The following CAMK2D variants were observed in gnomAD, a reference collection of about 807,000 sequenced individuals.
CAMK2D encodes the protein calcium/calmodulin-dependent protein kinase type II subunit delta.
In CAMK2D, 37 loss-of-function variants were observed where a neutral mutation model predicts 84.0. That is an observed-to-expected ratio of 0.44 (90% CI 0.34 to 0.58). CAMK2D has a LOEUF of 0.58. CAMK2D is among the 20% of genes least tolerant of loss of function. The pLI, the probability that CAMK2D is intolerant of heterozygous loss-of-function variation, is 0.02. For missense variants in CAMK2D, 448 were observed against 652.5 expected, an observed-to-expected ratio of 0.69 and a Z score of 3.41; for synonymous variants, 202 against 212.5, an observed-to-expected ratio of 0.95 and a Z score of 0.43.
intron 3 of CAMK2D, among the ~76,000 whole-genome samples, chr4:113,643,165 A>G (rs1393026791): frequency 6.6e-6 from 1 of 152,246 alleles, no homozygotes; most frequent in African/African-American, 2.4e-5. Flanking sequence ...AAGACAAGTG[A>G]CATTACATTT....
chr4:113,720,626 C>T (rs2099527755), intron 2 of CAMK2D, among the ~76,000 whole-genome samples: 1 of 151,692 alleles, frequency 6.6e-6, no homozygotes, highest in South Asian at 2.1e-4. Context: ...ATTGTCTGAC[C>T]AGATTATTTC....
chr4:113,730,388 T>C (rs2099563011), intron 2 of CAMK2D, among the ~76,000 whole-genome samples: 1 of 152,196 alleles, frequency 6.6e-6, no homozygotes, highest in Admixed American at 6.5e-5. Flanking sequence ...TCTCCTGAGA[T>C]GAAATAATTT....
chr4:113,662,162 A>G (rs2099236134), intron 2 of CAMK2D, among the ~76,000 whole-genome samples: 2 of 152,198 alleles, frequency 1.3e-5, no homozygotes, highest in African/African-American at 4.8e-5. Context: ...CCAATGGAAT[A>G]AGTGCTAAGT....
At chr4:113,595,860 G>T (rs1269967992) in intron 4 of CAMK2D, among the ~76,000 whole-genome samples, 1 of 152,156 alleles carries the variant, frequency 6.6e-6, no homozygotes, top group Non-Finnish European at 1.5e-5. Flanking sequence ...CTGATGGGGT[G>T]GTGGCTGCTG....
intron 6 of CAMK2D, among the ~76,000 whole-genome samples, chr4:113,546,153 T>G (rs1271862820): frequency 6.6e-6 from 1 of 152,152 alleles, no homozygotes; most frequent in Non-Finnish European, 1.5e-5. Context: ...TTTCAAATAA[T>G]AAATTTATAG....
At position 113,521,248 on chromosome 4, in the gene CAMK2D, T is replaced by G. The variant is rs146725934; in HGVS notation, c.602-3591A>C. On this transcript the variant is annotated intron_variant, in intron 8 of 20. Transcript: ENST00000511664. ...TTCTGTTGAATTTTGATTATCATTATCAATTCCTGGATTTAAACTTACTTG... is the reference window on the plus strand; with the variant it reads ...TTCTGTTGAATTTTGATTATCATTAGCAATTCCTGGATTTAAACTTACTTG... Among the ~76,000 whole-genome samples the G allele has an allele frequency of 5.6e-4, 86 of 152,348 alleles. No homozygotes were observed. In the East Asian group the frequency reaches 0.013, roughly 23 times the overall value.
chr4:113,555,195 T>A (rs1288611778), intron 4 of CAMK2D, among the ~76,000 whole-genome samples: 4 of 152,178 alleles, frequency 2.6e-5, no homozygotes, highest in Non-Finnish European at 4.4e-5. Flanking sequence ...ACCATGAGGC[T>A]GAGCAGCAAG....
Position 113,579,566 on chromosome 4 carries a change from T to C in CAMK2D, c.276-27470A>G, listed in dbSNP as rs139761184. Among the ~76,000 whole-genome samples the C allele has an allele frequency of 1.1e-3, 162 of 152,238 alleles. 2 individuals carry two copies. Among genetic ancestry groups the C allele is most frequent in the Non-Finnish European group, 1.7e-3 (117 of 68,020 alleles). ...GATTGTTAAAAGACCCTGGTACTTCTTCCCCTCTCTCTTGCTCCCTCTCTT... is the reference window on the plus strand; with the variant it reads ...GATTGTTAAAAGACCCTGGTACTTCCTCCCCTCTCTCTTGCTCCCTCTCTT... On this transcript the variant is annotated intron_variant, in intron 4 of 20. Transcript: ENST00000511664.
chr4:113,641,321 T>G (rs1162680046), intron 3 of CAMK2D, among the ~76,000 whole-genome samples: 1 of 152,186 alleles, frequency 6.6e-6, no homozygotes, highest in Non-Finnish European at 1.5e-5. Flanking sequence ...CAAATTAATA[T>G]ATCTATTTGA....
chr4:113,658,816 G>A (rs1457509869), intron 3 of CAMK2D, among the ~76,000 whole-genome samples: 3 of 152,152 alleles, frequency 2.0e-5, no homozygotes, highest in Non-Finnish European at 4.4e-5. Context: ...AGGATCACTC[G>A]AAATCTCTCT....
intron 2 of CAMK2D, among the ~76,000 whole-genome samples, chr4:113,724,262 G>A (rs951737705): frequency 1.3e-5 from 2 of 151,890 alleles, no homozygotes; most frequent in Non-Finnish European, 2.9e-5. Flanking sequence ...ATTTGTTATT[G>A]AAGTCTTTAA....
chr4:113,601,673 ACT>A (rs1387177721), intron 4 of CAMK2D, among the ~76,000 whole-genome samples: 1 of 136,112 alleles, frequency 7.3e-6, no homozygotes, highest in African/African-American at 2.8e-5. Flanking sequence ...ATGTAGATTA[ACT>A]GTTTATTCTT....
intron 6 of CAMK2D, among the ~76,000 whole-genome samples, chr4:113,546,959 G>A (rs1298011717): frequency 1.3e-5 from 2 of 152,052 alleles, no homozygotes; most frequent in Non-Finnish European, 2.9e-5. Context: ...GTATCAGTAG[G>A]CATTCAAATG....
chr4:113,490,627 C>A (rs1453099529), intron 16 of CAMK2D, among the ~76,000 whole-genome samples: 1 of 151,628 alleles, frequency 6.6e-6, no homozygotes, highest in Non-Finnish European at 1.5e-5. Flanking sequence ...GCGATGCGGG[C>A]TCTGTTTTGG....
intron 2 of CAMK2D, among the ~76,000 whole-genome samples, chr4:113,686,582 C>T (rs1179038018): frequency 6.6e-6 from 1 of 152,080 alleles, no homozygotes; most frequent in African/African-American, 2.4e-5. Flanking sequence ...AAGAAGGAAG[C>T]ACACAGCTTA....
chr4:113,547,688 C>G lies in CAMK2D; in HGVS notation c.370G>C (p.Val124Leu). Residue 124 changes from valine to leucine, a missense_variant, in exon 6 of 21, where the codon GTG becomes CTG. Val to Leu is a conservative substitution (Grantham distance 32). Coordinates refer to ENST00000511664, the MANE Select transcript of CAMK2D (RefSeq NM_001321571.2). Reference protein sequence around the residue: ...SHCIQQILEAVLHCHQMGVVH... With the variant: ...SHCIQQILEALLHCHQMGVVH... ...ACGCCCATCTGATGGCAGTGTAGCACAGCCTCCAGGATCTGCTGAATGCAA... is the reference window on the plus strand; with the variant it reads ...ACGCCCATCTGATGGCAGTGTAGCAGAGCCTCCAGGATCTGCTGAATGCAA... 1 of 1,567,652 alleles carries G rather than the reference C, an allele frequency of 6.4e-7. No individual in the cohort carries two copies.
In CAMK2D at chr4:113,517,740, G is replaced by A. The variant is rs2098303121; in HGVS notation, c.602-83C>T. On this transcript the variant is annotated intron_variant, in intron 8 of 20. Coordinates refer to ENST00000511664, the MANE Select transcript of CAMK2D (RefSeq NM_001321571.2). ...TGTGGCTGATCCACAATGATATTAA[G>A]CCGTAGTTGTTAAAACAGAGAAAAC... 7 of 687,386 alleles carry A rather than the reference G, an allele frequency of 1.0e-5. No homozygotes were observed. The South Asian group carries it at 1.3e-4, about 12-fold the overall frequency. 42.6% of individuals were successfully genotyped at this position (687,386 alleles called of 1,614,324 possible).
chr4:113,455,829 G>A lies in CAMK2D; in HGVS notation c.1536-8C>T, dbSNP rs2097297390. On this transcript the variant is annotated splice_region_variant and splice_polypyrimidine_tract_variant and intron_variant, in intron 19 of 20. Transcript: ENST00000511664. ...TTTGGAATACAGGGTGGCCTATTAAGAGAAGCCCCATTTAAGCCACCTGGC... is the reference window on the plus strand; with the variant it reads ...TTTGGAATACAGGGTGGCCTATTAAAAGAAGCCCCATTTAAGCCACCTGGC... 1 of 1,564,832 alleles carries A rather than the reference G, an allele frequency of 6.4e-7. No individual in the cohort carries two copies. The highest frequency in any genetic ancestry group is 2.2e-5 in the East Asian group (1 of 44,594).
At chr4:113,498,046 CT>C (rs2097966313) in intron 16 of CAMK2D, among the ~76,000 whole-genome samples, 1 of 152,130 alleles carries the variant, frequency 6.6e-6, no homozygotes, top group Non-Finnish European at 1.5e-5. Flanking sequence ...GATTATTTAA[CT>C]GATAGTAATT....
Sources: gnomAD v4.1 joint callset for allele counts (sites outside exome capture counted in the v4.1 genomes callset) on GRCh38, gnomAD v4.1.1 for gene constraint, MANE v1.5 for transcripts, NCBI Gene and HGNC (gene_info 2026-07-23, HGNC 2026-07-21) for gene names.